SMAD6: variants seen among roughly 807,000 people sequenced by gnomAD.
SMAD6 encodes MAD homolog 6.
Under a neutral mutation model 39.4 loss-of-function variants are expected in SMAD6, and 103 were observed. That is an observed-to-expected ratio of 2.62 (90% CI 2.23 to 3.08). SMAD6 has a LOEUF of 3.08. SMAD6 is among the 30% of genes most tolerant of loss of function. The pLI is 0.00. For synonymous variants in SMAD6, 445 were observed against 353.3 expected (o/e 1.26, Z -2.91); for missense variants, 1,104 against 742.9 (o/e 1.49, Z -5.65).
intron 2 of SMAD6, among the ~76,000 whole-genome samples, chr15:66,715,746 G>A (rs1270132089): frequency 1.4e-5 from 2 of 142,098 alleles, no homozygotes; most frequent in Non-Finnish European, 3.0e-5. Context: ...ATGTACATAT[G>A]AAGTACTTAA....
intron 3 of SMAD6, chr15:66,716,936 G>A: frequency 7.9e-7 from 1 of 1,263,916 alleles, no homozygotes; most frequent in South Asian, 1.3e-5. Flanking sequence ...GGAGCCGGTT[G>A]AATGAGCTTG....
chr15:66,769,896 TG>T (rs1894351747), intron 3 of SMAD6, among the ~76,000 whole-genome samples: 1 of 152,148 alleles, frequency 6.6e-6, no homozygotes, highest in Admixed American at 6.5e-5. Flanking sequence ...GGCGCAATCT[TG>T]GCTCACTACA....
chr15:66,772,614 C>T (rs1894398299), intron 3 of SMAD6, among the ~76,000 whole-genome samples: 1 of 152,090 alleles, frequency 6.6e-6, no homozygotes, highest in Non-Finnish European at 1.5e-5. Context: ...TTATGCAGTG[C>T]CTATTTTGAG....
intron 3 of SMAD6, among the ~76,000 whole-genome samples, chr15:66,770,123 C>T (rs576437814): frequency 4.6e-5 from 7 of 152,302 alleles, no homozygotes; most frequent in Admixed American, 3.3e-4. Flanking sequence ...CCACTGCGCC[C>T]GGCCGAGAAG....
chr15:66,751,285 G>T (rs75945548), intron 3 of SMAD6, among the ~76,000 whole-genome samples: 2,273 of 152,216 alleles, frequency 0.015, 27 homozygotes, highest in Middle Eastern at 0.041. Context: ...GTCCCAGCTC[G>T]GCCTCTTGGT....
At chr15:66,712,645 A>G (rs1208771736) in intron 2 of SMAD6, among the ~76,000 whole-genome samples, 1 of 148,802 alleles carries the variant, frequency 6.7e-6, no homozygotes, top group African/African-American at 2.5e-5. Flanking sequence ...AGGTCACGCC[A>G]CTGCACTCCA....
chr15:66,781,347 TC>T lies in SMAD6; in HGVS notation c.1305del (p.Ile436SerfsTer103). The T allele has an allele frequency of 1.3e-6, 2 of 1,598,020 alleles. No individual in the cohort carries two copies. Among genetic ancestry groups the T allele is most frequent in the Non-Finnish European group, 1.7e-6 (2 of 1,173,758 alleles). Reference sequence around the variant, plus strand: ...CGTGCGCAAGGTGCCCCCCGGCTACTCCATCAAGGTGTTCGACTTCGAGCGC... The same window carrying T: ...CGTGCGCAAGGTGCCCCCCGGCTACTCATCAAGGTGTTCGACTTCGAGCGC... Reference protein sequence around the residue: ...LVVRKVPPGYSIKVFDFERSG... With the variant: ...LVVRKVPPGYXIKVFDFERSG... On this transcript the variant is annotated frameshift_variant, in exon 4 of 4. Coordinates refer to ENST00000288840, the MANE Select transcript of SMAD6 (RefSeq NM_005585.5). LOFTEE classifies it high-confidence loss of function.
chr15:66,780,029 G>A (rs978101498), intron 3 of SMAD6, among the ~76,000 whole-genome samples: 5 of 152,208 alleles, frequency 3.3e-5, no homozygotes, highest in Admixed American at 2.0e-4. Flanking sequence ...CCGAGTCAGT[G>A]ACAAGGGATT....
Position 66,703,224 on chromosome 15 carries a change from G to GC in SMAD6, c.-33dup, listed in dbSNP as rs1893013790. ...AACGGACCCCCGGTAACCGGAGACC[G>GC]CCTCCCCCCCACCCCTGGCGCCAAA... is the stretch of plus-strand genomic sequence containing the variant. On this transcript the variant is annotated 5_prime_UTR_variant, in exon 1 of 4. Coordinates refer to ENST00000288840, the MANE Select transcript of SMAD6 (RefSeq NM_005585.5). 1 of 1,337,212 alleles carries GC rather than the reference G, an allele frequency of 7.5e-7. No homozygotes were observed. The highest frequency in any genetic ancestry group is 9.7e-7 in the Non-Finnish European group (1 of 1,033,842). The allele number at this position is 1,337,212 out of a possible 1,614,324, so 82.8% of individuals were successfully genotyped here. A position where few individuals can be genotyped will look rare whatever the true frequency, so the allele number is the denominator to read the frequency against.
intron 3 of SMAD6, among the ~76,000 whole-genome samples, chr15:66,725,989 C>T (rs1188658186): frequency 6.6e-6 from 1 of 152,184 alleles, no homozygotes; most frequent in Non-Finnish European, 1.5e-5. Flanking sequence ...TTATGTATGA[C>T]ATTCAGGGGA....
At chr15:66,758,599 G>T (rs953088824) in intron 3 of SMAD6, among the ~76,000 whole-genome samples, 2 of 152,084 alleles carry the variant, frequency 1.3e-5, no homozygotes, top group Non-Finnish European at 2.9e-5. Flanking sequence ...ACGGTTGCAG[G>T]CATGTATAGT....
rs758794528 is a variant in SMAD6 at position 66,704,056 on chromosome 15, C to T, written c.798C>T (p.Phe266=). Reference sequence around the variant, plus strand: ...CCGTGTGCTGCAACCCCTACCACTTCAGCCGGCTCTGCGGGCCCGGTGAGC... The same window carrying T: ...CCGTGTGCTGCAACCCCTACCACTTTAGCCGGCTCTGCGGGCCCGGTGAGC... ...GPTVCCNPYH[F]SRLCGPESPP... is the part of the protein sequence containing the mutation. The change falls in exon 1 of 4, where the codon TTC becomes TTT. Residue 266 remains phenylalanine (F), a synonymous_variant. Transcript: ENST00000288840. 21 of 1,503,256 alleles carry T rather than the reference C, an allele frequency of 1.4e-5. No individual in the cohort carries two copies. The highest frequency in any genetic ancestry group is 1.8e-5 in the Non-Finnish European group (20 of 1,134,814). The allele number at this position is 1,503,256 out of a possible 1,614,324, so 93.1% of individuals were successfully genotyped here.
intron 3 of SMAD6, chr15:66,717,308 C>T (rs758631608): frequency 4.3e-6 from 2 of 464,438 alleles, no homozygotes; most frequent in Non-Finnish European, 8.5e-6. Context: ...GTGTCTCCAT[C>T]TGAGACATTC....
At position 66,704,111 on chromosome 15, in the gene SMAD6, C is replaced by T. The variant is rs771461906; in HGVS notation, c.817+36C>T. On this transcript the variant is annotated intron_variant, in intron 1 of 3. Transcript: ENST00000288840. Reference sequence around the variant, plus strand: ...TGCGCCGGCCGGGGGGGCCCCGGGTCCCCGTCCCCATCCCCTTCCGTGCCC... The same window carrying T: ...TGCGCCGGCCGGGGGGGCCCCGGGTTCCCGTCCCCATCCCCTTCCGTGCCC... The T allele has an allele frequency of 1.2e-5, 16 of 1,377,128 alleles. No homozygotes were observed. The South Asian group carries it at 2.5e-4, about 21-fold the overall frequency. 85.3% of individuals were successfully genotyped at this position (1,377,128 alleles called of 1,614,324 possible).
intron 3 of SMAD6, among the ~76,000 whole-genome samples, chr15:66,724,324 G>A (rs1364512071): frequency 6.6e-6 from 1 of 152,170 alleles, no homozygotes; most frequent in Non-Finnish European, 1.5e-5. Flanking sequence ...ATGAATGAAT[G>A]AATTTTTGCC....
intron 3 of SMAD6, among the ~76,000 whole-genome samples, chr15:66,741,402 G>C (rs1893813339): frequency 6.6e-6 from 1 of 152,238 alleles, no homozygotes; most frequent in Admixed American, 6.5e-5. Flanking sequence ...CCTGCTCTTA[G>C]GTGGGGAAGG....
chr15:66,713,177 C>T lies in SMAD6; in HGVS notation c.874+1453C>T, dbSNP rs543947577. Among the ~76,000 whole-genome samples, 141 of 152,240 alleles carry T rather than the reference C, an allele frequency of 9.3e-4. 1 individual carries two copies. The highest frequency in any genetic ancestry group is 3.1e-3 in the African/African-American group (129 of 41,524). ...GCAACTTTGTGACCCAAGCAGTTCCCGTGGGACTCAAGCTTTAAAAGTCAG... is the reference window on the plus strand; with the variant it reads ...GCAACTTTGTGACCCAAGCAGTTCCTGTGGGACTCAAGCTTTAAAAGTCAG... On this transcript the variant is annotated intron_variant, in intron 2 of 3. Coordinates refer to ENST00000288840, the MANE Select transcript of SMAD6 (RefSeq NM_005585.5).
Position 66,703,956 on chromosome 15 carries a change from C to G in SMAD6, c.698C>G (p.Pro233Arg). ...QLLLGRLFRW[P>R]DLQHAVELKP... ...CTGCTCGGCCGCCTCTTTCGCTGGC[C>G]CGACCTGCAGCACGCCGTGGAGCTG... Residue 233 changes from proline to arginine, a missense_variant, in exon 1 of 4, where the codon CCC becomes CGC. By Grantham distance (103) the Pro-to-Arg change is moderately radical. Transcript: ENST00000288840. 3 of 1,427,546 alleles carry G rather than the reference C, an allele frequency of 2.1e-6. No homozygotes were observed. The highest frequency in any genetic ancestry group is 1.4e-5 in the South Asian group (1 of 71,300). The allele number at this position is 1,427,546 out of a possible 1,614,324, so 88.4% of individuals were successfully genotyped here.
chr15:66,724,179 G>A (rs1401773349), intron 3 of SMAD6, among the ~76,000 whole-genome samples: 1 of 152,150 alleles, frequency 6.6e-6, no homozygotes, highest in Non-Finnish European at 1.5e-5. Context: ...AGCTGAAACA[G>A]CTGATCATGG....
Sources: gnomAD v4.1 joint callset for allele counts (sites outside exome capture counted in the v4.1 genomes callset) on GRCh38, gnomAD v4.1.1 for gene constraint, MANE v1.5 for transcripts, NCBI Gene and HGNC (gene_info 2026-07-23, HGNC 2026-07-21) for gene names.